C1orf87: variants seen among roughly 807,000 people sequenced by gnomAD.
The protein encoded by C1orf87 is uncharacterized protein C1orf87.
Under a neutral mutation model 60.5 loss-of-function variants are expected in C1orf87, and 58 were observed. The observed-to-expected ratio is 0.96, with a 90% confidence interval of 0.78 to 1.19. The LOEUF (loss-of-function observed/expected upper bound fraction) is 1.19. Ranked by LOEUF, C1orf87 falls within the 50% of genes most tolerant of loss-of-function variation. C1orf87 has a pLI of 0.00. For synonymous variants in C1orf87, 236 were observed against 227.4 expected (o/e 1.04, Z -0.34); for missense variants, 673 against 638.6 (o/e 1.05, Z -0.58).
At chr1:60,003,148 A>T (rs1277916144) in intron 9 of C1orf87, among the ~76,000 whole-genome samples, 1 of 149,070 alleles carries the variant, frequency 6.7e-6, no homozygotes, top group Non-Finnish European at 1.5e-5. Flanking sequence ...GCCATAAAAA[A>T]TGATGAGTTC....
At chr1:59,997,504 A>G (rs1284693932) in intron 11 of C1orf87, 105 bp downstream of exon 11, 3 of 984,854 alleles carry the variant, frequency 3.0e-6, no homozygotes, top group Admixed American at 4.7e-5. Flanking sequence ...CATGATTTAT[A>G]TATTAATTGT....
At chr1:60,060,069 G>A (rs1396450379) in intron 2 of C1orf87, among the ~76,000 whole-genome samples, 1 of 149,284 alleles carries the variant, frequency 6.7e-6, no homozygotes. Context: ...GTCAAAGTAT[G>A]AAGGTTTTTT....
intron 6 of C1orf87, among the ~76,000 whole-genome samples, chr1:60,037,105 C>CTT (rs931538207): frequency 1.2e-4 from 18 of 152,328 alleles, no homozygotes; most frequent in African/African-American, 4.3e-4. Flanking sequence ...AGAGAAAACT[C>CTT]TGAGCACAAG....
intron 9 of C1orf87, among the ~76,000 whole-genome samples, chr1:60,003,347 G>A (rs1055344725): frequency 6.6e-6 from 1 of 150,962 alleles, no homozygotes; most frequent in East Asian, 2.0e-4. Flanking sequence ...GGGAGGGATA[G>A]CATCAGGAGA....
intron 2 of C1orf87, among the ~76,000 whole-genome samples, chr1:60,068,216 T>C (rs1645561950): frequency 6.6e-6 from 1 of 152,180 alleles, no homozygotes; most frequent in South Asian, 2.1e-4. Flanking sequence ...TGAATACCCT[T>C]GACTCATGCT....
chr1:60,011,042 T>C (rs962402452), intron 8 of C1orf87: 3 of 152,000 alleles, frequency 2.0e-5, no homozygotes, highest in African/African-American at 7.2e-5. Context: ...AAAGGTTCTT[T>C]CTAGCCTTCA....
intron 9 of C1orf87, among the ~76,000 whole-genome samples, chr1:60,001,453 T>G (rs1250664770): frequency 6.6e-6 from 1 of 152,078 alleles, no homozygotes; most frequent in East Asian, 1.9e-4. Context: ...GTATTTAAAC[T>G]TCTTTGGAGG....
intron 6 of C1orf87, among the ~76,000 whole-genome samples, chr1:60,034,671 C>A (rs904764969): frequency 6.6e-6 from 1 of 152,114 alleles, no homozygotes; most frequent in Non-Finnish European, 1.5e-5. Context: ...CATCATTGGC[C>A]CTCATGTCTG....
intron 2 of C1orf87, among the ~76,000 whole-genome samples, chr1:60,064,582 T>A (rs1645522804): frequency 8.4e-6 from 1 of 119,218 alleles, no homozygotes; most frequent in African/African-American, 3.2e-5. Context: ...AGGATATATA[T>A]CATATATAAT....
At chr1:60,021,659 C>T (rs1645164006) in intron 8 of C1orf87, among the ~76,000 whole-genome samples, 1 of 152,194 alleles carries the variant, frequency 6.6e-6, no homozygotes, top group Non-Finnish European at 1.5e-5. Context: ...ACTTTGGATA[C>T]ATCAATGAAT....
intron 3 of C1orf87, among the ~76,000 whole-genome samples, chr1:60,054,069 G>GCA (rs1645435188): frequency 6.6e-6 from 1 of 152,180 alleles, no homozygotes; most frequent in African/African-American, 2.4e-5. Context: ...TCTAAATTAG[G>GCA]TTAAAACATT....
At chr1:60,011,612 A>G (rs7525473) in intron 8 of C1orf87, among the ~76,000 whole-genome samples, 32,525 of 152,070 alleles carry the variant, frequency 0.21, 4,292 homozygotes, top group Non-Finnish European at 0.3. Flanking sequence ...ACCTCAACTA[A>G]GTATCTTTAT....
intron 2 of C1orf87, among the ~76,000 whole-genome samples, chr1:60,069,944 T>C (rs1574333420): frequency 6.6e-6 from 1 of 152,340 alleles, no homozygotes; most frequent in East Asian, 1.9e-4. Context: ...TGGACACAGA[T>C]GCAGATGCAG....
intron 11 of C1orf87, among the ~76,000 whole-genome samples, chr1:59,992,199 A>G (rs955671842): frequency 1.3e-5 from 2 of 151,790 alleles, no homozygotes; most frequent in African/African-American, 4.8e-5. Flanking sequence ...GGAATGAGGG[A>G]AAAGAGATTG....
chr1:60,047,039 T>G (rs949208828), intron 3 of C1orf87, among the ~76,000 whole-genome samples: 1 of 152,206 alleles, frequency 6.6e-6, no homozygotes, highest in Admixed American at 6.5e-5. Flanking sequence ...TTACAGGCAG[T>G]CATATGCATT....
chr1:60,072,935 C>T (rs1467103965), intron 1 of C1orf87, among the ~76,000 whole-genome samples: 1 of 152,208 alleles, frequency 6.6e-6, no homozygotes, highest in Non-Finnish European at 1.5e-5. Context: ...ACTTGGGAAT[C>T]TCACCTAAGA....
chr1:60,016,302 A>G (rs925692683), intron 8 of C1orf87, among the ~76,000 whole-genome samples: 1 of 152,190 alleles, frequency 6.6e-6, no homozygotes, highest in African/African-American at 2.4e-5. Context: ...AGCCATGTAG[A>G]GCATCTAGCC....
At chr1:60,059,013 T>C (rs1003187757) in intron 2 of C1orf87, among the ~76,000 whole-genome samples, 2 of 152,206 alleles carry the variant, frequency 1.3e-5, no homozygotes, top group Admixed American at 1.3e-4. Context: ...CTGCCTGTCT[T>C]TTAAAACAGT....
At chr1:60,004,009 A>G (rs1294376197) in intron 9 of C1orf87, among the ~76,000 whole-genome samples, 1 of 152,056 alleles carries the variant, frequency 6.6e-6, no homozygotes, top group Non-Finnish European at 1.5e-5. Flanking sequence ...TTAAGTTGTC[A>G]CGAGAACCCA....
Sources: allele counts gnomAD v4.1 joint callset (sites outside exome capture counted in the v4.1 genomes callset), GRCh38; gene constraint gnomAD v4.1.1; transcripts MANE v1.5; gene names NCBI Gene and HGNC (gene_info 2026-07-23, HGNC 2026-07-21).